The following DUT variants were observed in gnomAD, a reference collection of about 807,000 sequenced individuals.
DUT encodes deoxyuridine triphosphatase, also known as deoxyuridine 5'-triphosphate nucleotidohydrolase, mitochondrial.
In DUT, 21 loss-of-function variants were observed where a neutral mutation model predicts 28.8. That is an observed-to-expected ratio of 0.73 (90% CI 0.52 to 1.05). DUT has a LOEUF of 1.05. Among genes scored for constraint, DUT ranks in the 50% least tolerant of loss-of-function variants. The probability of loss-of-function intolerance (pLI) is 0.00; values close to 1 mark genes in which losing one functional copy is unlikely to be tolerated. For synonymous variants in DUT, 147 were observed against 143.7 expected (o/e 1.02, Z -0.17); for missense variants, 344 against 351.8 (o/e 0.98, Z 0.18).
At position 48,332,015 on chromosome 15, in the gene DUT, A is replaced by G. The variant is rs1409233091; in HGVS notation, c.280+220A>G. On this transcript the variant is annotated intron_variant, in intron 1 of 6. Coordinates refer to ENST00000331200, the MANE Select transcript of DUT (RefSeq NM_001025248.2). ...TTGGCCCCACGCGCTGAATGTGGAA[A>G]GTTGACTGGGACCCAGTAGTTTCCC... 5 of 958,234 alleles carry G rather than the reference A, an allele frequency of 5.2e-6. No individual in the cohort carries two copies. In the East Asian group the frequency reaches 9.5e-5, roughly 18 times the overall value. The allele number at this position is 958,234 out of a possible 1,614,324, so 59.4% of individuals were successfully genotyped here.
intron 1 of DUT, 87 bp downstream of exon 1, chr15:48,331,882 C>G (rs1334759246): frequency 8.6e-6 from 2 of 233,586 alleles, no homozygotes; most frequent in Non-Finnish European, 1.2e-5. Context: ...GCGAGCGGTC[C>G]TTCTGCGCGC....
At position 48,332,364 on chromosome 15, in the gene DUT, C is replaced by G; in HGVS notation, c.377C>G (p.Pro126Arg). The G allele has an allele frequency of 6.3e-7, 1 of 1,595,414 alleles. No individual in the cohort carries two copies. Among genetic ancestry groups the G allele is most frequent in the Non-Finnish European group, 8.5e-7 (1 of 1,173,154 alleles). ...FARLSEHATA[P>R]TRGSARAAGY... is the part of the protein sequence containing the mutation. ...CGGCTCTCCGAGCACGCCACGGCCC[C>G]CACCCGGGGCTCCGCGCGCGCCGCG... The change falls in exon 2 of 7, where the codon CCC (proline) becomes CGC (arginine). Residue 126 changes from proline to arginine, a missense_variant. Pro to Arg is a moderately radical substitution (Grantham distance 103). Coordinates refer to ENST00000331200, the MANE Select transcript of DUT (RefSeq NM_001025248.2).
rs1419600310 is a variant in DUT, at chr15:48,331,697, G to T, written c.182G>T (p.Gly61Val). The T allele has an allele frequency of 6.6e-7, 1 of 1,518,264 alleles. No individual in the cohort carries two copies. Among genetic ancestry groups the T allele is most frequent in the Non-Finnish European group, 8.8e-7 (1 of 1,134,284 alleles). 94.0% of individuals were successfully genotyped at this position (1,518,264 alleles called of 1,614,324 possible). A position where few individuals can be genotyped will look rare whatever the true frequency, so the allele number is the denominator to read the frequency against. ...HGIPRPLSSA[G>V]RLSQGCRGAS... The stretch of plus-strand genomic sequence containing the variant: ...ATTCCCCGGCCGCTGTCCAGCGCTG[G>T]CCGCCTGAGCCAAGGCTGCCGCGGA... The change falls in exon 1 of 7, where the codon GGC becomes GTC. Residue 61 changes from glycine to valine, a missense_variant. Transcript: ENST00000331200.
chr15:48,331,491 C>T lies in DUT; in HGVS notation c.-25C>T. On this transcript the variant is annotated 5_prime_UTR_variant, in exon 1 of 7. Coordinates refer to ENST00000331200, the MANE Select transcript of DUT (RefSeq NM_001025248.2). ...GCGCACGTCCGGAGGTGCCGAGGAC[C>T]CAACCAGCCCAAACTCTGGGGGAAA... 2 of 1,610,614 alleles carry T rather than the reference C, an allele frequency of 1.2e-6. No individual in the cohort carries two copies. The highest frequency in any genetic ancestry group is 2.2e-5 in the East Asian group (1 of 44,722).
intron 3 of DUT, 36 bp from the exon 4 acceptor site, chr15:48,336,010 C>T: frequency 3.1e-6 from 5 of 1,590,506 alleles, no homozygotes; most frequent in Non-Finnish European, 2.6e-6. Flanking sequence ...GCCCTTCCCC[C>T]TTAAAATAAC....
rs372700558 is a variant in DUT at position 48,332,297 on chromosome 15, G to A, written c.310G>A (p.Ala104Thr). ...ACCCGCCATTTCACCCAGTAAGCGG[G>A]CCCGGCCTGCGGAGGTGGGCGGCAT... ...ETPAISPSKR[A>T]RPAEVGGMQL... Residue 104 changes from alanine (A) to threonine (T), a missense_variant, in exon 2 of 7, where the codon GCC becomes ACC. Transcript: ENST00000331200. The A allele has an allele frequency of 9.3e-6, 15 of 1,608,912 alleles. No individual in the cohort carries two copies. Among genetic ancestry groups the A allele is most frequent in the Non-Finnish European group, 1.1e-5 (13 of 1,178,498 alleles).
At position 48,341,520 on chromosome 15, in the gene DUT, A is replaced by G; in HGVS notation, c.637A>G (p.Lys213Glu). Residue 213 changes from lysine to glutamate, a missense_variant, in exon 6 of 7, where the codon AAA (lysine) becomes GAA (glutamate). Coordinates refer to ENST00000331200, the MANE Select transcript of DUT (RefSeq NM_001025248.2). ...NFGKEKFEVK[K>E]GDRIAQLICE... ...AAACTATTCTTTCTTTGAAGTCAAA[A>G]AAGGTGATCGAATTGCACAGCTCAT... 1 of 1,613,116 alleles carries G rather than the reference A, an allele frequency of 6.2e-7. No individual in the cohort carries two copies. Among genetic ancestry groups the G allele is most frequent in the South Asian group, 1.1e-5 (1 of 90,984 alleles).
In DUT at chr15:48,331,771, G is replaced by A; in HGVS notation, c.256G>A (p.Gly86Arg). The A allele has an allele frequency of 1.1e-5, 15 of 1,390,622 alleles. No individual in the cohort carries two copies. Among genetic ancestry groups the A allele is most frequent in the Non-Finnish European group, 1.4e-5 (15 of 1,077,430 alleles). 86.1% of individuals were successfully genotyped at this position (1,390,622 alleles called of 1,614,324 possible). ...AGWKGELPKA[G>R]GSPAPGPETP... ...CTGGAAGGGCGAGCTTCCTAAGGCG[G>A]GGGGAAGCCCGGCGCCGGGGCCGGG... is the stretch of plus-strand genomic sequence containing the variant. The change falls in exon 1 of 7, where the codon GGG becomes AGG. Residue 86 changes from glycine to arginine, a missense_variant. By Grantham distance (125) the Gly-to-Arg change is moderately radical. Transcript: ENST00000331200.
At chr15:48,331,316 G>A (rs776531140), upstream of DUT, 3 of 1,441,232 alleles carry the variant, frequency 2.1e-6, no homozygotes. Context: ...GACTCAAGAC[G>A]CCAACGGCGC....
chr15:48,333,074 CT>C (rs548604053), intron 2 of DUT, among the ~76,000 whole-genome samples: 67 of 145,170 alleles, frequency 4.6e-4, no homozygotes, highest in East Asian at 1.8e-3. Flanking sequence ...GAATTTTGGG[CT>C]TTTTTTTTTT....
rs1429427664 is a variant in DUT at position 48,343,323 on chromosome 15, A to G, written c.*1245A>G. On this transcript the variant is annotated 3_prime_UTR_variant, in exon 7 of 7. Transcript: ENST00000331200. ...GCATTTTTGCATACCAGGTTGGGCT[A>G]TAAAATATTTCTGTTGTCAATAAAT... 1 of 152,230 alleles carries G rather than the reference A, an allele frequency of 6.6e-6. No homozygotes were observed. The highest frequency in any genetic ancestry group is 1.5e-5 in the Non-Finnish European group (1 of 68,034). 9.4% of individuals were successfully genotyped at this position (152,230 alleles called of 1,614,324 possible). A position where few individuals can be genotyped will look rare whatever the true frequency, so the allele number is the denominator to read the frequency against.
intron 4 of DUT, chr15:48,341,060 A>T (rs1054007850): frequency 8.0e-6 from 3 of 375,934 alleles, no homozygotes; most frequent in African/African-American, 6.3e-5. Flanking sequence ...TCGCCATTTG[A>T]TAAAGAGTGA....
rs1336574348 is a variant in DUT at position 48,343,132 on chromosome 15, C to T, written c.*1054C>T. 1 of 152,156 alleles carries T rather than the reference C, an allele frequency of 6.6e-6. No individual in the cohort carries two copies. Among genetic ancestry groups the T allele is most frequent in the Non-Finnish European group, 1.5e-5 (1 of 68,032 alleles). 9.4% of individuals were successfully genotyped at this position (152,156 alleles called of 1,614,324 possible). On this transcript the variant is annotated 3_prime_UTR_variant, in exon 7 of 7. Transcript: ENST00000331200. Reference sequence around the variant, plus strand: ...GGATGTGGGTTATACACATGGAGTGCTTCTGGAACTATCAGCCCACTTGAC... The same window carrying T: ...GGATGTGGGTTATACACATGGAGTGTTTCTGGAACTATCAGCCCACTTGAC...
At chr15:48,341,148 A>C in intron 4 of DUT, 141 bp from the exon 5 acceptor site, 1 of 560,448 alleles carries the variant, frequency 1.8e-6, no homozygotes, top group South Asian at 2.9e-5. Context: ...TTGAGGCTTT[A>C]CATAGTACCA....
At chr15:48,338,939 C>T (rs1301990612) in intron 4 of DUT, among the ~76,000 whole-genome samples, 3 of 152,098 alleles carry the variant, frequency 2.0e-5, no homozygotes, top group Non-Finnish European at 2.9e-5. Context: ...GAGTTTGAGG[C>T]TTATTTGAGC....
chr15:48,337,747 G>A (rs2042490427), intron 4 of DUT, among the ~76,000 whole-genome samples: 1 of 152,176 alleles, frequency 6.6e-6, no homozygotes. Flanking sequence ...ATTGTGGTGT[G>A]TTCTTGGATG....
At chr15:48,331,237 GA>G (rs1295415016), upstream of DUT, 8 of 1,483,854 alleles carry the variant, frequency 5.4e-6, no homozygotes, top group South Asian at 2.6e-5. Context: ...TACACTCTCG[GA>G]AAAATGGGGG....
In DUT at chr15:48,342,246, TA is replaced by T. The variant is rs200974717; in HGVS notation, c.*177del. Reference sequence around the variant, plus strand: ...TTTTTATGATCAAGGAAAAGATCATTAAAAAAAAACACAAAGAAGTTTTTCT... The same window carrying T: ...TTTTTATGATCAAGGAAAAGATCATTAAAAAAAACACAAAGAAGTTTTTCT... On this transcript the variant is annotated 3_prime_UTR_variant, in exon 7 of 7. Transcript: ENST00000331200. 2.2e-4 allele frequency: 83 copies of T among 374,950 alleles called. No homozygotes were observed. The highest frequency in any genetic ancestry group is 6.2e-4 in the African/African-American group (29 of 47,016). The allele number at this position is 374,950 out of a possible 1,614,324, so 23.2% of individuals were successfully genotyped here. A position where few individuals can be genotyped will look rare whatever the true frequency, so the allele number is the denominator to read the frequency against.
intron 3 of DUT, among the ~76,000 whole-genome samples, chr15:48,335,202 G>T (rs949803857): frequency 1.3e-5 from 2 of 152,168 alleles, no homozygotes; most frequent in Non-Finnish European, 2.9e-5. Context: ...AGGGGCAGGA[G>T]ATGGAGTGAA....
Sources: gnomAD v4.1 joint callset for allele counts (sites outside exome capture counted in the v4.1 genomes callset) on GRCh38, gnomAD v4.1.1 for gene constraint, MANE v1.5 for transcripts, NCBI Gene and HGNC (gene_info 2026-07-23, HGNC 2026-07-21) for gene names.